The following DLGAP2 variants were observed in gnomAD, a reference collection of about 807,000 sequenced individuals.
DLGAP2 encodes disks large-associated protein 2.
A neutral mutation model predicts 100.3 loss-of-function variants in DLGAP2; 26 were observed. The ratio of observed to expected loss-of-function variants is 0.26; its 90% confidence interval spans 0.19 to 0.36. DLGAP2 has a LOEUF of 0.36. Among genes scored for constraint, DLGAP2 ranks in the 10% least tolerant of loss-of-function variants. DLGAP2 has a pLI of 1.00. For synonymous variants in DLGAP2, 886 were observed against 630.1 expected, an observed-to-expected ratio of 1.41 and a Z score of -6.08; for missense variants, 1,858 against 1,453.2, an observed-to-expected ratio of 1.28 and a Z score of -4.53.
At chr8:1,285,963 C>T (rs536751606) in intron 3 of DLGAP2, among the ~76,000 whole-genome samples, 55 of 152,328 alleles carry the variant, frequency 3.6e-4, no homozygotes, top group African/African-American at 1.3e-3. Flanking sequence ...CAAAGAAACA[C>T]CCAAAACCTT....
At chr8:900,742 A>T (rs2128997340) in intron 1 of DLGAP2, among the ~76,000 whole-genome samples, 1 of 152,334 alleles carries the variant, frequency 6.6e-6, no homozygotes, top group South Asian at 2.1e-4. Context: ...GGAGGTTAAC[A>T]GCAGGATGGC....
At chr8:802,463 G>A (rs1178835013) in intron 1 of DLGAP2, among the ~76,000 whole-genome samples, 1 of 152,200 alleles carries the variant, frequency 6.6e-6, no homozygotes, top group African/African-American at 2.4e-5. Context: ...TCCCGCATTG[G>A]GGTCGTGTTG....
intron 3 of DLGAP2, among the ~76,000 whole-genome samples, chr8:1,347,040 A>T (rs946630377): frequency 2.0e-5 from 3 of 151,454 alleles, no homozygotes. Flanking sequence ...CACTGCTCTC[A>T]TGGTAACTGT....
At chr8:804,201 C>T (rs1282875306) in intron 1 of DLGAP2, among the ~76,000 whole-genome samples, 1 of 152,168 alleles carries the variant, frequency 6.6e-6, no homozygotes, top group Non-Finnish European at 1.5e-5. Context: ...ATTATGCTCC[C>T]TGGAGTCAGA....
At chr8:1,681,599 A>C (rs1798947534) in intron 12 of DLGAP2, among the ~76,000 whole-genome samples, 2 of 150,390 alleles carry the variant, frequency 1.3e-5, no homozygotes, top group Non-Finnish European at 3.0e-5. Context: ...TGGAGGCTGC[A>C]GTGAGCCGAG....
rs928191598 is a variant in DLGAP2 at position 1,705,072 on chromosome 8, T to G, written c.*3666T>G. 6 of 152,262 alleles carry G rather than the reference T, an allele frequency of 3.9e-5. No individual in the cohort carries two copies. Among genetic ancestry groups the G allele is most frequent in the African/African-American group, 1.4e-4 (6 of 41,462 alleles). 9.4% of individuals were successfully genotyped at this position (152,262 alleles called of 1,614,324 possible). On this transcript the variant is annotated 3_prime_UTR_variant, in exon 15 of 15. Coordinates refer to ENST00000637795, the MANE Select transcript of DLGAP2 (RefSeq NM_001346810.2). ...ATCGCTACCCGAGTCCAGGATGGAA[T>G]TTCACAGGAAAGTGAAGGGATACTG...
chr8:880,899 C>T (rs1383975118), intron 1 of DLGAP2, among the ~76,000 whole-genome samples: 2 of 152,216 alleles, frequency 1.3e-5, no homozygotes, highest in East Asian at 1.9e-4. Flanking sequence ...AAACATAATG[C>T]CCTGATCTCC....
intron 2 of DLGAP2, among the ~76,000 whole-genome samples, chr8:949,865 C>T (rs560105995): frequency 1.1e-4 from 17 of 152,234 alleles, no homozygotes; most frequent in African/African-American, 3.9e-4. Flanking sequence ...ATGGAACCGG[C>T]GCTTTTCTCT....
At chr8:1,600,545 A>G (rs1416316807) in intron 6 of DLGAP2, among the ~76,000 whole-genome samples, 1 of 152,044 alleles carries the variant, frequency 6.6e-6, no homozygotes, top group African/African-American at 2.4e-5. Context: ...ACATTGTCCC[A>G]TATTTCTTGG....
At chr8:1,597,659 G>C (rs1023182212) in intron 6 of DLGAP2, among the ~76,000 whole-genome samples, 9 of 152,034 alleles carry the variant, frequency 5.9e-5, no homozygotes, top group Admixed American at 5.2e-4. Flanking sequence ...TCATGATTTG[G>C]CTCTCTGTTT....
chr8:1,491,077 C>CAA lies in DLGAP2; in HGVS notation c.107-10275_107-10274dup, dbSNP rs386411871. Among the ~76,000 whole-genome samples the CAA allele has an allele frequency of 5.4e-4, 35 of 64,528 alleles. 1 individual carries two copies. The highest frequency in any genetic ancestry group is 0.016 in the Middle Eastern group (1 of 64). 42.3% of individuals were successfully genotyped at this position (64,528 alleles called of 152,430 possible). On this transcript the variant is annotated intron_variant, in intron 3 of 14. Transcript: ENST00000637795. ...AAATAAATAAAAATAAACTGGAAAC[C>CAA]AAAAAAAAAAAAAAACCCAAAAATA...
rs568849133 is a variant in DLGAP2, at chr8:1,253,962, C to G, written c.74-4889C>G. 4.6e-5 allele frequency among the ~76,000 whole-genome samples: 7 copies of G among 152,316 alleles called. No individual in the cohort carries two copies. In the East Asian group the frequency reaches 1.2e-3, roughly 25 times the overall value. On this transcript the variant is annotated intron_variant, in intron 2 of 14. Transcript: ENST00000637795. ...ATGAACTGTGGGGAAAGCCCTGAATCTGTGGTCAGTTTTGACGCATATTTT... is the reference window on the plus strand; with the variant it reads ...ATGAACTGTGGGGAAAGCCCTGAATGTGTGGTCAGTTTTGACGCATATTTT...
chr8:1,520,122 C>T (rs1374895369), intron 4 of DLGAP2, among the ~76,000 whole-genome samples: 1 of 152,306 alleles, frequency 6.6e-6, no homozygotes, highest in Admixed American at 6.5e-5. Flanking sequence ...CCCAACATAC[C>T]ATGGGCTATA....
At chr8:1,363,944 A>G (rs565626216) in intron 3 of DLGAP2, among the ~76,000 whole-genome samples, 1 of 152,102 alleles carries the variant, frequency 6.6e-6, no homozygotes, top group East Asian at 1.9e-4. Flanking sequence ...CAGCCAGGCT[A>G]TTGGCCATGG....
intron 3 of DLGAP2, among the ~76,000 whole-genome samples, chr8:1,433,737 G>T (rs1256722622): frequency 5.7e-5 from 3 of 52,600 alleles, no homozygotes; most frequent in Non-Finnish European, 8.9e-5. Context: ...GGCAAAACTG[G>T]CTTTTTTTTT....
Position 930,292 on chromosome 8 carries a change from AC to A in DLGAP2, c.73+22328del, listed in dbSNP as rs554180972. 1.0e-3 allele frequency among the ~76,000 whole-genome samples: 154 copies of A among 152,310 alleles called. 1 individual carries two copies. Among genetic ancestry groups the A allele is most frequent in the Admixed American group, 2.4e-3 (37 of 15,304 alleles). ...TGGTCATGGAATCAGTGCACGATCCACCTGCTCTGCCGGCCACCAGCGTTTA... is the reference window on the plus strand; with the variant it reads ...TGGTCATGGAATCAGTGCACGATCCACTGCTCTGCCGGCCACCAGCGTTTA... On this transcript the variant is annotated intron_variant, in intron 2 of 14. Transcript: ENST00000637795.
At chr8:1,575,973 G>C (rs1256223268) in intron 6 of DLGAP2, among the ~76,000 whole-genome samples, 1 of 152,082 alleles carries the variant, frequency 6.6e-6, no homozygotes, top group African/African-American at 2.4e-5. Context: ...AGTCCTTCCG[G>C]TATATACCCA....
At chr8:1,355,672 T>G (rs1226313431) in intron 3 of DLGAP2, among the ~76,000 whole-genome samples, 1 of 152,042 alleles carries the variant, frequency 6.6e-6, no homozygotes, top group African/African-American at 2.4e-5. Flanking sequence ...CAAGTACGAG[T>G]ATTTTTTAAT....
At chr8:1,481,770 A>G (rs960257524) in intron 3 of DLGAP2, among the ~76,000 whole-genome samples, 1 of 152,018 alleles carries the variant, frequency 6.6e-6, no homozygotes, top group Non-Finnish European at 1.5e-5. Context: ...GAGTCACCGC[A>G]CCAGGCCAGA....
Sources: allele counts gnomAD v4.1 joint callset (sites outside exome capture counted in the v4.1 genomes callset), GRCh38; gene constraint gnomAD v4.1.1; transcripts MANE v1.5; gene names NCBI Gene and HGNC (gene_info 2026-07-23, HGNC 2026-07-21).